ASB5: variants seen among roughly 807,000 people sequenced by gnomAD.
ASB5 encodes the protein ankyrin repeat and SOCS box protein 5.
Under a neutral mutation model 42.1 loss-of-function variants are expected in ASB5, and 45 were observed. The ratio of observed to expected loss-of-function variants is 1.07; its 90% CI spans 0.84 to 1.37. ASB5 has a LOEUF of 1.37. Ranked by LOEUF, ASB5 falls within the 40% of genes most tolerant of loss-of-function variation. The probability of loss-of-function intolerance (pLI) is 0.00; values close to 1 mark genes in which losing one functional copy is unlikely to be tolerated. For synonymous variants in ASB5, 147 were observed against 150.6 expected (o/e 0.98, Z 0.18); for missense variants, 402 against 399.8 (o/e 1.01, Z -0.05).
chr4:176,260,596 G>C (rs953398376), intron 1 of ASB5, among the ~76,000 whole-genome samples: 10 of 152,328 alleles, frequency 6.6e-5, no homozygotes, highest in Admixed American at 6.5e-4. Context: ...GCATTGCTGA[G>C]GGAAGGCTGG....
chr4:176,217,947 T>G (rs1434770389), intron 5 of ASB5, among the ~76,000 whole-genome samples: 1 of 151,640 alleles, frequency 6.6e-6, no homozygotes, highest in Non-Finnish European at 1.5e-5. Flanking sequence ...CTTTCAAATT[T>G]CAATAAATGT....
Position 176,226,846 on chromosome 4 carries a change from A to G in ASB5, c.197-1505T>C, listed in dbSNP as rs147710852. 3.5e-4 allele frequency among the ~76,000 whole-genome samples: 54 copies of G among 152,312 alleles called. 1 individual carries two copies. The highest frequency in any genetic ancestry group is 1.3e-3 in the African/African-American group (53 of 41,578). ...GGCTCTGCGGTGTAGGGGCTGCAAC[A>G]TGTTGCCATGGAGGGCAAGTAGCTG... is the stretch of plus-strand genomic sequence containing the variant. On this transcript the variant is annotated intron_variant, in intron 1 of 6. Coordinates refer to ENST00000296525, the MANE Select transcript of ASB5 (RefSeq NM_080874.4).
At chr4:176,255,025 G>T (rs1754127124) in intron 1 of ASB5, among the ~76,000 whole-genome samples, 1 of 152,164 alleles carries the variant, frequency 6.6e-6, no homozygotes, top group Non-Finnish European at 1.5e-5. Context: ...AGCTACTCAG[G>T]AGGCTGAGGC....
chr4:176,259,829 TA>T (rs1479224833), intron 1 of ASB5, among the ~76,000 whole-genome samples: 2 of 152,220 alleles, frequency 1.3e-5, no homozygotes, highest in African/African-American at 4.8e-5. Context: ...TTTAAGACTA[TA>T]AGCCTTCTGG....
At chr4:176,252,830 C>T (rs1754069751) in intron 1 of ASB5, among the ~76,000 whole-genome samples, 1 of 152,344 alleles carries the variant, frequency 6.6e-6, no homozygotes, top group Non-Finnish European at 1.5e-5. Context: ...TTACTTTCCT[C>T]TAAGATCAAT....
At chr4:176,240,922 C>T (rs1753797740) in intron 1 of ASB5, among the ~76,000 whole-genome samples, 1 of 152,126 alleles carries the variant, frequency 6.6e-6, no homozygotes, top group South Asian at 2.1e-4. Context: ...TCTGGGTTGG[C>T]AGTTTTCCCC....
upstream of ASB5, among the ~76,000 whole-genome samples, chr4:176,272,078 A>T (rs1358192483): frequency 6.6e-6 from 1 of 152,194 alleles, no homozygotes; most frequent in Non-Finnish European, 1.5e-5. Flanking sequence ...ATTAAATAAG[A>T]TGGAACTTTA....
At chr4:176,251,009 G>A (rs1211184330) in intron 1 of ASB5, among the ~76,000 whole-genome samples, 2 of 152,052 alleles carry the variant, frequency 1.3e-5, no homozygotes, top group African/African-American at 4.8e-5. Context: ...ATCCATACAA[G>A]GAATAAAATC....
upstream of ASB5, among the ~76,000 whole-genome samples, chr4:176,274,092 A>G (rs1754522691): frequency 6.6e-6 from 1 of 152,200 alleles, no homozygotes; most frequent in Admixed American, 6.5e-5. Context: ...AGGCTAAGAT[A>G]GCAAGATCTA....
chr4:176,241,173 C>G (rs946941835), intron 1 of ASB5, among the ~76,000 whole-genome samples: 1 of 152,062 alleles, frequency 6.6e-6, no homozygotes, highest in Non-Finnish European at 1.5e-5. Context: ...AACAGCAATA[C>G]TATAATATTA....
chr4:176,222,427 G>T lies in ASB5; in HGVS notation c.277-7C>A, dbSNP rs773697766. 12 of 1,605,630 alleles carry T rather than the reference G, an allele frequency of 7.5e-6. No homozygotes were observed. The Admixed American group carries it at 1.7e-4, about 22-fold the overall frequency. ...CTGCATTTACATTATAACCCTAAATGTGGCATAATTTTGAAAGGTGAGCAA... is the reference window on the plus strand; with the variant it reads ...CTGCATTTACATTATAACCCTAAATTTGGCATAATTTTGAAAGGTGAGCAA... On this transcript the variant is annotated splice_region_variant and splice_polypyrimidine_tract_variant and intron_variant, in intron 2 of 6. Transcript: ENST00000296525.
Position 176,222,475 on chromosome 4 carries a change from A to G in ASB5, c.277-55T>C, listed in dbSNP as rs1181739393. 5 of 1,379,254 alleles carry G rather than the reference A, an allele frequency of 3.6e-6. No individual in the cohort carries two copies. The African/African-American group carries it at 5.8e-5, about 16-fold the overall frequency. The allele number at this position is 1,379,254 out of a possible 1,614,324, so 85.4% of individuals were successfully genotyped here. A position where few individuals can be genotyped will look rare whatever the true frequency, so the allele number is the denominator to read the frequency against. On this transcript the variant is annotated intron_variant, in intron 2 of 6. Transcript: ENST00000296525. Reference sequence around the variant, plus strand: ...CAAAGAGTTATATACTTAAAAAATCATCTATATGGATGTCACTAGAGAGTG... The same window carrying G: ...CAAAGAGTTATATACTTAAAAAATCGTCTATATGGATGTCACTAGAGAGTG...
chr4:176,267,986 T>G (rs1754391032), intron 1 of ASB5, among the ~76,000 whole-genome samples: 1 of 152,226 alleles, frequency 6.6e-6, no homozygotes, highest in African/African-American at 2.4e-5. Flanking sequence ...CAAGTTTACA[T>G]GTTTAAATTG....
upstream of ASB5, among the ~76,000 whole-genome samples, chr4:176,271,314 T>G (rs186813185): frequency 1.2e-3 from 181 of 152,334 alleles, 5 homozygotes; most frequent in East Asian, 7.7e-4. Flanking sequence ...AGATGCTGTA[T>G]TTTTCATATT....
chr4:176,243,481 CT>C (rs1753850970), intron 1 of ASB5, among the ~76,000 whole-genome samples: 1 of 151,824 alleles, frequency 6.6e-6, no homozygotes, highest in Non-Finnish European at 1.5e-5. Flanking sequence ...ATAGTGGCAT[CT>C]AGTAGGTTTT....
At chr4:176,235,836 T>A (rs1288495318) in intron 1 of ASB5, among the ~76,000 whole-genome samples, 1 of 151,918 alleles carries the variant, frequency 6.6e-6, no homozygotes, top group African/African-American at 2.4e-5. Context: ...GCATTTTTTT[T>A]ATTATATATT....
At chr4:176,223,676 G>T (rs1753287209) in intron 2 of ASB5, among the ~76,000 whole-genome samples, 1 of 152,124 alleles carries the variant, frequency 6.6e-6, no homozygotes, top group Non-Finnish European at 1.5e-5. Context: ...AAGATTTTGA[G>T]TTGGCTAGCC....
chr4:176,268,430 T>C (rs77163726), intron 1 of ASB5, among the ~76,000 whole-genome samples: 4,709 of 152,292 alleles, frequency 0.031, 120 homozygotes, highest in Middle Eastern at 0.1. Flanking sequence ...ATGGTTATCT[T>C]ATTAAAGTTG....
At chr4:176,246,529 GT>G (rs1200918746) in intron 1 of ASB5, among the ~76,000 whole-genome samples, 1 of 152,194 alleles carries the variant, frequency 6.6e-6, no homozygotes, top group East Asian at 1.9e-4. Flanking sequence ...GTGAGTTCAG[GT>G]GCTGTGAACT....
Sources: gnomAD v4.1 joint callset for allele counts (sites outside exome capture counted in the v4.1 genomes callset) on GRCh38, gnomAD v4.1.1 for gene constraint, MANE v1.5 for transcripts, NCBI Gene and HGNC (gene_info 2026-07-23, HGNC 2026-07-21) for gene names.